EIF4G3: variants seen among roughly 807,000 people sequenced by gnomAD.
The protein encoded by EIF4G3 is eIF-4-gamma 3.
A neutral mutation model predicts 186.4 loss-of-function variants in EIF4G3; 34 were observed. The ratio of observed to expected loss-of-function variants is 0.18; its 90% confidence interval spans 0.14 to 0.24. EIF4G3 has a LOEUF of 0.24. EIF4G3 is among the 10% of genes least tolerant of loss of function. EIF4G3 has a pLI of 1.00. For missense variants in EIF4G3, 1,536 were observed against 1,948.5 expected (o/e 0.79, Z 3.99); for synonymous variants, 673 against 679.5 (o/e 0.99, Z 0.15).
At chr1:20,883,656 G>C (rs1248920245) in intron 19 of EIF4G3, among the ~76,000 whole-genome samples, 1 of 151,612 alleles carries the variant, frequency 6.6e-6, no homozygotes, top group Non-Finnish European at 1.5e-5. Flanking sequence ...ATGAGAATTG[G>C]GCCAGATAAT....
At chr1:21,024,448 AG>A (rs1232491007) in intron 4 of EIF4G3, among the ~76,000 whole-genome samples, 3 of 150,992 alleles carry the variant, frequency 2.0e-5, no homozygotes, top group Non-Finnish European at 4.5e-5. Context: ...TGGAATAGAA[AG>A]GGGGGAAAGG....
At chr1:20,900,488 G>C (rs1220555814) in intron 15 of EIF4G3, among the ~76,000 whole-genome samples, 1 of 146,802 alleles carries the variant, frequency 6.8e-6, no homozygotes, top group Non-Finnish European at 1.5e-5. Context: ...CTGAGGCTGT[G>C]ACCATATAGA....
chr1:21,092,033 T>C (rs1386408584), intron 2 of EIF4G3, among the ~76,000 whole-genome samples: 1 of 152,192 alleles, frequency 6.6e-6, no homozygotes, highest in East Asian at 1.9e-4. Context: ...CTATGTTGAA[T>C]AGGAGTGGTG....
At position 21,176,212 on chromosome 1, in the gene EIF4G3, G is replaced by C; in HGVS notation, c.-309C>G. 1 of 426,364 alleles carries C rather than the reference G, an allele frequency of 2.3e-6. No individual in the cohort carries two copies. Among genetic ancestry groups the C allele is most frequent in the Non-Finnish European group, 4.1e-6 (1 of 244,770 alleles). The allele number at this position is 426,364 out of a possible 1,614,324, so 26.4% of individuals were successfully genotyped here. A position where few individuals can be genotyped will look rare whatever the true frequency, so the allele number is the denominator to read the frequency against. ...TGAGTCTGGAGGGCCCTGATGTTCG[G>C]GTGAGGAGGGGGGACCGCTGCCGCC... is the stretch of plus-strand genomic sequence containing the variant. On this transcript the variant is annotated 5_prime_UTR_variant, in exon 2 of 37. Coordinates refer to ENST00000602326, the MANE Select transcript of EIF4G3 (RefSeq NM_001391906.1).
intron 4 of EIF4G3, among the ~76,000 whole-genome samples, chr1:21,018,923 C>CTT (rs138213734): frequency 1.4e-5 from 2 of 146,966 alleles, no homozygotes; most frequent in East Asian, 2.0e-4. Context: ...TAATAAAGCT[C>CTT]TTTTTTTTTT....
intron 20 of EIF4G3, among the ~76,000 whole-genome samples, chr1:20,867,080 G>A (rs2077720855): frequency 6.6e-6 from 1 of 152,186 alleles, no homozygotes; most frequent in African/African-American, 2.4e-5. Context: ...GAAGAGCTGG[G>A]TTAAGTATCA....
At chr1:20,972,739 T>C (rs2154565831) in intron 11 of EIF4G3, among the ~76,000 whole-genome samples, 2 of 152,304 alleles carry the variant, frequency 1.3e-5, no homozygotes, top group Admixed American at 1.3e-4. Flanking sequence ...ACCCTCCCAG[T>C]TCTAAAGGTG....
At chr1:20,881,552 T>A (rs182358556) in intron 19 of EIF4G3, among the ~76,000 whole-genome samples, 4 of 151,606 alleles carry the variant, frequency 2.6e-5, no homozygotes, top group African/African-American at 9.7e-5. Flanking sequence ...TTTAAGAGGC[T>A]GGGGTGGGTG....
In EIF4G3 at chr1:20,807,358, C is replaced by T. The variant is rs1453986332; in HGVS notation, c.4887G>A (p.Thr1629=). The T allele has an allele frequency of 7.5e-6, 12 of 1,607,566 alleles. No homozygotes were observed. Among genetic ancestry groups the T allele is most frequent in the Non-Finnish European group, 1.0e-5 (12 of 1,175,474 alleles). ...ACTCCTCTTCTGCTTCCCGCAGCCACGTGAAGAATGCCGTGACAGATTTCA... is the reference window on the plus strand; with the variant it reads ...ACTCCTCTTCTGCTTCCCGCAGCCATGTGAAGAATGCCGTGACAGATTTCA... ...VALKSVTAFF[T]WLREAEEESE... Residue 1629 remains threonine (T), a synonymous_variant, in exon 37 of 37, where the codon ACG becomes ACA. Coordinates refer to ENST00000602326, the MANE Select transcript of EIF4G3 (RefSeq NM_001391906.1).
chr1:21,082,274 C>T (rs1340164992), intron 3 of EIF4G3, among the ~76,000 whole-genome samples: 1 of 151,252 alleles, frequency 6.6e-6, no homozygotes, highest in African/African-American at 2.4e-5. Context: ...CATATGGACA[C>T]CATATGCTAA....
intron 2 of EIF4G3, among the ~76,000 whole-genome samples, chr1:21,109,100 C>T (rs755000587): frequency 9.2e-5 from 14 of 151,990 alleles, no homozygotes; most frequent in Admixed American, 2.0e-4. Flanking sequence ...CATCTGTAAT[C>T]CCAGCTACTC....
intron 2 of EIF4G3, among the ~76,000 whole-genome samples, chr1:21,115,949 C>T (rs887193379): frequency 6.6e-6 from 1 of 152,008 alleles, no homozygotes; most frequent in Non-Finnish European, 1.5e-5. Flanking sequence ...GTCTAGAACT[C>T]CTGGCCTTAA....
chr1:20,822,031 C>T (rs2062505981), intron 33 of EIF4G3, among the ~76,000 whole-genome samples: 1 of 152,054 alleles, frequency 6.6e-6, no homozygotes. Flanking sequence ...GCGTGTGCTA[C>T]CACACCTGGC....
rs531467937 is a variant in EIF4G3 at position 20,874,570 on chromosome 1, T to C, written c.2622+4753A>G. 3.9e-5 allele frequency among the ~76,000 whole-genome samples: 6 copies of C among 152,348 alleles called. No individual in the cohort carries two copies. In the East Asian group the frequency reaches 1.2e-3, roughly 29 times the overall value. On this transcript the variant is annotated intron_variant, in intron 20 of 36. Coordinates refer to ENST00000602326, the MANE Select transcript of EIF4G3 (RefSeq NM_001391906.1). ...CCATATTTTTATTAGGCTGTTTTTT[T>C]CCTACTGATTTGCTTCTTTTTCTTC...
At chr1:21,126,102 G>A (rs942590376) in intron 2 of EIF4G3, among the ~76,000 whole-genome samples, 1 of 151,800 alleles carries the variant, frequency 6.6e-6, no homozygotes, top group Admixed American at 6.6e-5. Context: ...AGCTACACAG[G>A]AGGCTAAGGC....
intron 12 of EIF4G3, among the ~76,000 whole-genome samples, chr1:20,956,799 G>A (rs186744108): frequency 5.3e-5 from 8 of 152,068 alleles, no homozygotes; most frequent in African/African-American, 1.7e-4. Flanking sequence ...CAGAGACAGG[G>A]TATCGATATG....
intron 7 of EIF4G3, among the ~76,000 whole-genome samples, chr1:20,994,366 T>G (rs1032915312): frequency 2.0e-5 from 3 of 152,230 alleles, no homozygotes; most frequent in African/African-American, 7.2e-5. Context: ...TCTCCTCTAT[T>G]CAAGGTAATT....
chr1:20,880,257 T>C (rs2154554180), intron 19 of EIF4G3, among the ~76,000 whole-genome samples: 1 of 152,288 alleles, frequency 6.6e-6, no homozygotes, highest in Non-Finnish European at 1.5e-5. Flanking sequence ...TAAAACTCTA[T>C]GCAGAGAAGA....
At chr1:20,909,936 C>T (rs2092922722) in intron 14 of EIF4G3, among the ~76,000 whole-genome samples, 1 of 152,034 alleles carries the variant, frequency 6.6e-6, no homozygotes, top group Non-Finnish European at 1.5e-5. Context: ...TACCCGCAAC[C>T]ATGCCCGGCT....
Sources: gnomAD v4.1 joint callset for allele counts (sites outside exome capture counted in the v4.1 genomes callset) on GRCh38, gnomAD v4.1.1 for gene constraint, MANE v1.5 for transcripts, NCBI Gene and HGNC (gene_info 2026-07-23, HGNC 2026-07-21) for gene names.